TENT5C: variants seen among roughly 807,000 people sequenced by gnomAD.
TENT5C encodes the protein terminal nucleotidyltransferase 5C.
A neutral mutation model predicts 22.2 loss-of-function variants in TENT5C; 5 were observed. The observed-to-expected ratio is 0.22, with a 90% CI of 0.12 to 0.47. The LOEUF (loss-of-function observed/expected upper bound fraction) is 0.47, where lower values mean the gene tolerates loss of function less well. Ranked by LOEUF, TENT5C falls within the 20% of genes least tolerant of loss-of-function variation. TENT5C has a pLI of 0.99. For synonymous variants in TENT5C, 199 were observed against 195.4 expected, an observed-to-expected ratio of 1.02 and a Z score of -0.15; for missense variants, 364 against 500.9, an observed-to-expected ratio of 0.73 and a Z score of 2.61.
intron 1 of TENT5C, among the ~76,000 whole-genome samples, chr1:117,615,959 C>T (rs1343436454): frequency 1.3e-5 from 2 of 152,282 alleles, no homozygotes; most frequent in Non-Finnish European, 2.9e-5. Flanking sequence ...GGACCAATAA[C>T]GTCTGTTTTA....
At chr1:117,622,469 G>A (rs1432583288) in intron 1 of TENT5C, among the ~76,000 whole-genome samples, 2 of 152,090 alleles carry the variant, frequency 1.3e-5, no homozygotes, top group East Asian at 3.8e-4. Flanking sequence ...GTCGAGATGT[G>A]GTTAGGGAGC....
intron 1 of TENT5C, 50 bp downstream of exon 1, chr1:117,606,203 C>G (rs945906351): frequency 6.6e-6 from 1 of 152,158 alleles, no homozygotes; most frequent in African/African-American, 2.4e-5. Flanking sequence ...CGGCAGCAGC[C>G]CCAGGGAGCC....
Position 117,622,957 on chromosome 1 carries a change from C to T in TENT5C, c.89C>T (p.Thr30Ile), listed in dbSNP as rs587778307. The T allele has an allele frequency of 1.9e-6, 3 of 1,614,224 alleles. No individual in the cohort carries two copies. The highest frequency in any genetic ancestry group is 2.5e-6 in the Non-Finnish European group (3 of 1,180,038). Residue 30 changes from threonine to isoleucine, a missense_variant, in exon 2 of 2, where the codon ACT (threonine) becomes ATT (isoleucine). By Grantham distance (89) the Thr-to-Ile change is moderately conservative. Transcript: ENST00000369448. ...DQVSRLHEVL[T>I]EVVPIHGRGN... ...GTTAGCCGGCTGCATGAGGTCCTCACTGAAGTTGTACCTATCCACGGACGA... is the reference window on the plus strand; with the variant it reads ...GTTAGCCGGCTGCATGAGGTCCTCATTGAAGTTGTACCTATCCACGGACGA...
chr1:117,607,160 C>T (rs1049994678), intron 1 of TENT5C, among the ~76,000 whole-genome samples: 2 of 152,192 alleles, frequency 1.3e-5, no homozygotes, highest in Non-Finnish European at 2.9e-5. Context: ...GAAAACCAAG[C>T]AGCGCTACCT....
At chr1:117,614,227 C>T (rs1169060988) in intron 1 of TENT5C, among the ~76,000 whole-genome samples, 2 of 152,190 alleles carry the variant, frequency 1.3e-5, no homozygotes, top group African/African-American at 4.8e-5. Flanking sequence ...TTCTGGCCTT[C>T]ATCCCCCAAG....
At chr1:117,614,803 A>G (rs187814960) in intron 1 of TENT5C, among the ~76,000 whole-genome samples, 1 of 151,822 alleles carries the variant, frequency 6.6e-6, no homozygotes, top group Non-Finnish European at 1.5e-5. Context: ...TGTGCCATTA[A>G]TTTTTCCTCT....
chr1:117,607,246 G>A (rs764515834), intron 1 of TENT5C, among the ~76,000 whole-genome samples: 64 of 152,190 alleles, frequency 4.2e-4, no homozygotes, highest in Non-Finnish European at 7.8e-4. Flanking sequence ...GCTGGACCCT[G>A]CGGGAGGGAT....
chr1:117,623,709 A>G lies in TENT5C; in HGVS notation c.841A>G (p.Ile281Val), dbSNP rs77871185. ...CSRFFIDFPD[I>V]LEQQRKLETY... ...CAGGTTCTTCATCGACTTCCCGGACATCCTTGAACAGCAGAGGAAGTTGGA... is the reference window on the plus strand; with the variant it reads ...CAGGTTCTTCATCGACTTCCCGGACGTCCTTGAACAGCAGAGGAAGTTGGA... The change falls in exon 2 of 2, where the codon ATC becomes GTC. Residue 281 changes from isoleucine to valine, a missense_variant. Physicochemically the swap from Ile to Val is conservative, Grantham distance 29 (BLOSUM62 3). Coordinates refer to ENST00000369448, the MANE Select transcript of TENT5C (RefSeq NM_017709.4). 5,707 of 1,614,162 alleles carry G rather than the reference A, an allele frequency of 3.5e-3. 16 individuals are homozygous for G. Among genetic ancestry groups the G allele is most frequent in the Non-Finnish European group, 4.3e-3 (5,117 of 1,180,024 alleles).
At chr1:117,611,756 A>T (rs1294762183) in intron 1 of TENT5C, among the ~76,000 whole-genome samples, 1 of 152,208 alleles carries the variant, frequency 6.6e-6, no homozygotes, top group Non-Finnish European at 1.5e-5. Context: ...CTGAGGCAGG[A>T]GAATTGCTTG....
At chr1:117,608,631 CTT>C (rs1331942474) in intron 1 of TENT5C, among the ~76,000 whole-genome samples, 3 of 152,126 alleles carry the variant, frequency 2.0e-5, no homozygotes, top group Non-Finnish European at 2.9e-5. Context: ...ATTTAAAAAA[CTT>C]TTTTTGTTGT....
chr1:117,623,952 T>C lies in TENT5C; in HGVS notation c.1084T>C (p.Tyr362His). The C allele has an allele frequency of 6.2e-7, 1 of 1,614,094 alleles. No homozygotes were observed. The highest frequency in any genetic ancestry group is 8.5e-7 in the Non-Finnish European group (1 of 1,180,006). ...CACCTGTTACTACCAGCCGGCCCCT[T>C]ACGTCAGTGATGGCAACTTCAGCAA... ...NVTCYYQPAP[Y>H]VSDGNFSNYY... Residue 362 changes from tyrosine (Y) to histidine (H), a missense_variant, in exon 2 of 2, where the codon TAC becomes CAC. By Grantham distance (83) the Tyr-to-His change is moderately conservative. Coordinates refer to ENST00000369448, the MANE Select transcript of TENT5C (RefSeq NM_017709.4).
chr1:117,617,141 T>G (rs1418607258), intron 1 of TENT5C, among the ~76,000 whole-genome samples: 1 of 152,144 alleles, frequency 6.6e-6, no homozygotes, highest in East Asian at 1.9e-4. Context: ...TTCATCGTGT[T>G]TCTGGAGTTC....
intron 1 of TENT5C, among the ~76,000 whole-genome samples, chr1:117,615,054 A>C (rs1014678935): frequency 5.1e-4 from 77 of 152,336 alleles, no homozygotes; most frequent in African/African-American, 1.8e-3. Context: ...TCCAGCCTGC[A>C]GTTTCTATGC....
chr1:117,627,708 C>T lies in TENT5C; in HGVS notation c.*3664C>T, dbSNP rs1354859352. On this transcript the variant is annotated 3_prime_UTR_variant, in exon 2 of 2. Transcript: ENST00000369448. ...TCACAGCTCGCTTTGGAACATATTC[C>T]AATTCAACCAGTTAAAATCAGAGGA... The T allele has an allele frequency of 8.1e-6, 2 of 247,802 alleles. No individual in the cohort carries two copies. The highest frequency in any genetic ancestry group is 2.2e-5 in the African/African-American group (1 of 45,246). 15.4% of individuals were successfully genotyped at this position (247,802 alleles called of 1,614,324 possible).
intron 1 of TENT5C, among the ~76,000 whole-genome samples, chr1:117,617,882 T>A (rs1370033235): frequency 6.6e-6 from 1 of 152,252 alleles, no homozygotes; most frequent in Non-Finnish European, 1.5e-5. Flanking sequence ...AACTTTAAAA[T>A]GTACTTTTGG....
chr1:117,622,338 T>C (rs1470176571), intron 1 of TENT5C, among the ~76,000 whole-genome samples: 1 of 144,852 alleles, frequency 6.9e-6, no homozygotes, highest in African/African-American at 2.9e-5. Context: ...TGTGTGTGTG[T>C]GTGTGTGTGT....
At position 117,624,388 on chromosome 1, in the gene TENT5C, G is replaced by A. The variant is rs749252172; in HGVS notation, c.*344G>A. The A allele has an allele frequency of 2.3e-5, 7 of 304,396 alleles. No individual in the cohort carries two copies. Among genetic ancestry groups the A allele is most frequent in the South Asian group, 1.2e-4 (1 of 8,252 alleles). The allele number at this position is 304,396 out of a possible 1,614,324, so 18.9% of individuals were successfully genotyped here. A position where few individuals can be genotyped will look rare whatever the true frequency, so the allele number is the denominator to read the frequency against. The stretch of plus-strand genomic sequence containing the variant: ...TCGAGATTGGGAGAATTTGGGCAGC[G>A]CGTGAGAAGTGCTAAGCTACTTGTT... On this transcript the variant is annotated 3_prime_UTR_variant, in exon 2 of 2. Transcript: ENST00000369448.
intron 1 of TENT5C, among the ~76,000 whole-genome samples, chr1:117,608,830 C>CTAAACT (rs1653602759): frequency 6.7e-6 from 1 of 150,312 alleles, no homozygotes; most frequent in South Asian, 2.1e-4. Flanking sequence ...ATGAGTTAAG[C>CTAAACT]TAAACTTATG....
rs1653920867 is a variant in TENT5C, at chr1:117,622,735, T to C, written c.-27-107T>C. The C allele has an allele frequency of 6.7e-6, 5 of 744,326 alleles. No individual in the cohort carries two copies. The Admixed American group carries it at 1.4e-4, about 21-fold the overall frequency. 46.1% of individuals were successfully genotyped at this position (744,326 alleles called of 1,614,324 possible). On this transcript the variant is annotated intron_variant, in intron 1 of 1. Transcript: ENST00000369448. ...AACACTGAGCAGTAAGTGCTATTTA[T>C]CACCATTTTACAGGAAGATGTTCAG...
Sources: allele counts gnomAD v4.1 joint callset (sites outside exome capture counted in the v4.1 genomes callset), GRCh38; gene constraint gnomAD v4.1.1; transcripts MANE v1.5; gene names NCBI Gene and HGNC (gene_info 2026-07-23, HGNC 2026-07-21).